USH2A: variants seen among roughly 807,000 people sequenced by gnomAD.
The protein encoded by USH2A is Usher syndrome 2A (autosomal recessive, mild).
A neutral mutation model predicts 538.9 loss-of-function variants in USH2A; 443 were observed. The observed-to-expected ratio is 0.82, with a 90% CI of 0.76 to 0.89. The LOEUF (loss-of-function observed/expected upper bound fraction) is 0.89, where lower values mean the gene tolerates loss of function less well. USH2A is among the 40% of genes least tolerant of loss of function. USH2A has a pLI of 0.00. For synonymous variants in USH2A, 2,413 were observed against 2,273.5 expected, an observed-to-expected ratio of 1.06 and a Z score of -1.75; for missense variants, 6,633 against 6,324.8, an observed-to-expected ratio of 1.05 and a Z score of -1.65.
Position 215,674,229 on chromosome 1 carries a change from T to A in USH2A, c.13682A>T (p.Asp4561Val), listed in dbSNP as rs749038722. The change falls in exon 63 of 72, where the codon GAT (aspartate) becomes GTT (valine). Residue 4561 changes from aspartate (D) to valine (V), a missense_variant. Asp to Val is a radical substitution (Grantham distance 152, BLOSUM62 -3). Coordinates refer to ENST00000307340, the MANE Select transcript of USH2A (RefSeq NM_206933.4). ...NWDPPVRTNG[D>V]IINYTLFIRE... The stretch of plus-strand genomic sequence containing the variant: ...GATGAAGAGGGTATAATTGATGATA[T>A]CACCATTTGTTCTCACTGGAGGGTC... 1 of 1,614,168 alleles carries A rather than the reference T, an allele frequency of 6.2e-7. No homozygotes were observed.
intron 21 of USH2A, among the ~76,000 whole-genome samples, chr1:216,104,187 G>T (rs974385060): frequency 6.6e-5 from 10 of 151,750 alleles, no homozygotes; most frequent in African/African-American, 2.4e-4. Context: ...ATTTACATTA[G>T]GTATATCTCC....
chr1:215,774,874 C>CTGGTTTT (rs1661414163), intron 55 of USH2A, among the ~76,000 whole-genome samples: 1 of 147,530 alleles, frequency 6.8e-6, no homozygotes, highest in East Asian at 2.0e-4. Context: ...TTTTAAAACA[C>CTGGTTTT]AAAAAAGTGG....
chr1:215,688,977 G>C (rs1323835133), intron 61 of USH2A, among the ~76,000 whole-genome samples: 1 of 152,008 alleles, frequency 6.6e-6, no homozygotes, highest in Non-Finnish European at 1.5e-5. Context: ...GAATTAAGGG[G>C]ATAGATTTAT....
In USH2A at chr1:215,965,320, G is replaced by T. The variant is rs760262356; in HGVS notation, c.7117C>A (p.Pro2373Thr). ...TTAGAAAATAAAAACAAATTACCTGGGTCTACATAGAATATCCCAGTGAAA... is the reference window on the plus strand; with the variant it reads ...TTAGAAAATAAAAACAAATTACCTGTGTCTACATAGAATATCCCAGTGAAA... ...VLFTGIFYVD[P>T]VGNNYTLLNV... is the part of the protein sequence containing the mutation. The change falls in exon 37 of 72, where the codon CCA (proline) becomes ACA (threonine). Residue 2373 changes from proline to threonine, a missense_variant. Pro to Thr is a conservative substitution (Grantham distance 38). Coordinates refer to ENST00000307340, the MANE Select transcript of USH2A (RefSeq NM_206933.4). 1.2e-6 allele frequency: 2 copies of T among 1,613,118 alleles called. No homozygotes were observed. The highest frequency in any genetic ancestry group is 2.2e-5 in the South Asian group (2 of 90,916).
intron 11 of USH2A, among the ~76,000 whole-genome samples, chr1:216,276,844 T>C (rs1571650291): frequency 6.6e-6 from 1 of 152,048 alleles, no homozygotes; most frequent in Non-Finnish European, 1.5e-5. Flanking sequence ...CCTGCCCCCA[T>C]GATTCAATCA....
At chr1:216,149,444 G>T (rs2033789288) in intron 21 of USH2A, among the ~76,000 whole-genome samples, 1 of 152,096 alleles carries the variant, frequency 6.6e-6, no homozygotes, top group Non-Finnish European at 1.5e-5. Flanking sequence ...TTCAGGAAAG[G>T]TAGAACGGAC....
chr1:216,269,229 G>C (rs981313484), intron 11 of USH2A, among the ~76,000 whole-genome samples: 10 of 152,052 alleles, frequency 6.6e-5, no homozygotes, highest in Admixed American at 6.6e-4. Flanking sequence ...TGAATCATGG[G>C]AGCAGGTCTT....
chr1:216,039,943 A>C (rs1359524888), intron 32 of USH2A, among the ~76,000 whole-genome samples: 1 of 151,772 alleles, frequency 6.6e-6, no homozygotes, highest in African/African-American at 2.4e-5. Context: ...AGACATAAAT[A>C]ATTATTGCCT....
chr1:216,200,865 C>T (rs1299990655), intron 16 of USH2A, among the ~76,000 whole-genome samples: 1 of 152,084 alleles, frequency 6.6e-6, no homozygotes, highest in Non-Finnish European at 1.5e-5. Flanking sequence ...CGCCATGGGG[C>T]TGTTTGCATT....
At chr1:215,788,559 A>C (rs899422290) in intron 51 of USH2A, among the ~76,000 whole-genome samples, 7 of 152,230 alleles carry the variant, frequency 4.6e-5, no homozygotes, top group African/African-American at 1.4e-4. Context: ...CATCACAAAA[A>C]TGGAAAACAA....
chr1:215,934,704 A>G lies in USH2A; in HGVS notation c.7212T>C (p.Pro2404=). Residue 2404 remains proline, a synonymous_variant, in exon 38 of 72, where the codon CCT becomes CCC. Coordinates refer to ENST00000307340, the MANE Select transcript of USH2A (RefSeq NM_206933.4). The part of the protein sequence containing the change: ...NLWVLIDGLV[P]FTNYTVQVNI... The stretch of plus-strand genomic sequence containing the variant: ...TCACTTGTACAGTATAGTTGGTAAA[A>G]GGAACCAGCCCATCGATGAGCACCC... 6.2e-7 allele frequency: 1 copy of G among 1,612,878 alleles called. No individual in the cohort carries two copies. Among genetic ancestry groups the G allele is most frequent in the Non-Finnish European group, 8.5e-7 (1 of 1,179,138 alleles).
intron 55 of USH2A, among the ~76,000 whole-genome samples, chr1:215,771,858 C>T (rs1661301539): frequency 6.6e-6 from 1 of 151,932 alleles, no homozygotes; most frequent in Admixed American, 6.6e-5. Flanking sequence ...CTTAATAGGC[C>T]TACAGATTAA....
intron 41 of USH2A, among the ~76,000 whole-genome samples, chr1:215,881,104 C>T (rs1195797351): frequency 1.3e-5 from 2 of 152,074 alleles, no homozygotes; most frequent in African/African-American, 4.8e-5. Context: ...GAAACTCCAT[C>T]TCAATCAATC....
intron 19 of USH2A, among the ~76,000 whole-genome samples, chr1:216,194,430 A>G (rs1050663037): frequency 6.6e-6 from 1 of 152,154 alleles, no homozygotes; most frequent in Non-Finnish European, 1.5e-5. Flanking sequence ...CTGAAGAAAG[A>G]CAAAGGAAAT....
At chr1:216,319,865 A>C (rs1231462852) in intron 9 of USH2A, among the ~76,000 whole-genome samples, 1 of 152,210 alleles carries the variant, frequency 6.6e-6, no homozygotes, top group Non-Finnish European at 1.5e-5. Context: ...TTTAAAAAGC[A>C]AGATGCTCTA....
At chr1:215,859,453 G>T (rs1664258986) in intron 44 of USH2A, among the ~76,000 whole-genome samples, 1 of 152,046 alleles carries the variant, frequency 6.6e-6, no homozygotes, top group Non-Finnish European at 1.5e-5. Flanking sequence ...AGAATTGCTT[G>T]AACACAGGAG....
At chr1:215,912,097 T>TA (rs757131592) in intron 38 of USH2A, among the ~76,000 whole-genome samples, 5 of 152,062 alleles carry the variant, frequency 3.3e-5, no homozygotes, top group Admixed American at 6.6e-5. Flanking sequence ...TTCTGGTGAT[T>TA]AATCCCTTGT....
chr1:215,875,215 A>C (rs1664731857), intron 43 of USH2A, among the ~76,000 whole-genome samples: 1 of 152,204 alleles, frequency 6.6e-6, no homozygotes, highest in South Asian at 2.1e-4. Flanking sequence ...TGGACTTATA[A>C]AGGGTAGAGG....
chr1:215,837,212 G>C (rs1413306068), intron 47 of USH2A, among the ~76,000 whole-genome samples: 1 of 152,052 alleles, frequency 6.6e-6, no homozygotes, highest in African/African-American at 2.4e-5. Context: ...AAATCCTTCA[G>C]AATTGAAACA....
Sources: gnomAD v4.1 joint callset for allele counts (sites outside exome capture counted in the v4.1 genomes callset) on GRCh38, gnomAD v4.1.1 for gene constraint, MANE v1.5 for transcripts, NCBI Gene and HGNC (gene_info 2026-07-23, HGNC 2026-07-21) for gene names.